Variants in NRG3 observed in about 807,000 individuals in gnomAD.
NRG3 encodes neuregulin 3, also known as pro-neuregulin-3, membrane-bound isoform.
Under a neutral mutation model 66.9 loss-of-function variants are expected in NRG3, and 31 were observed. The observed-to-expected ratio is 0.46, with a 90% CI of 0.35 to 0.63. NRG3 has a LOEUF of 0.63. Among genes scored for constraint, NRG3 ranks in the 20% least tolerant of loss-of-function variants. The pLI, the probability that NRG3 is intolerant of heterozygous loss-of-function variation, is 0.00. For synonymous variants in NRG3, 393 were observed against 359.4 expected, an observed-to-expected ratio of 1.09 and a Z score of -1.06; for missense variants, 910 against 878.9, an observed-to-expected ratio of 1.04 and a Z score of -0.45.
intron 5 of NRG3, among the ~76,000 whole-genome samples, chr10:82,952,688 C>T (rs974441538): frequency 3.3e-5 from 5 of 151,772 alleles, no homozygotes; most frequent in Non-Finnish European, 7.4e-5. Context: ...TGTGTAATTG[C>T]TTTTCAGTGG....
chr10:82,476,744 T>C (rs1222771071), intron 2 of NRG3, among the ~76,000 whole-genome samples: 1 of 152,116 alleles, frequency 6.6e-6, no homozygotes, highest in Non-Finnish European at 1.5e-5. Context: ...GTTACAGATA[T>C]TCAGTTTGGG....
chr10:81,949,157 G>A lies in NRG3; in HGVS notation c.823+72994G>A, dbSNP rs1260067924. Among the ~76,000 whole-genome samples, 5 of 152,116 alleles carry A rather than the reference G, an allele frequency of 3.3e-5. No homozygotes were observed. The East Asian group carries it at 7.7e-4, about 23-fold the overall frequency. ...CCCACATGGCAGATCTCAGGCTCCT[G>A]TCTCTGAGAAGGCTGAGCTGATACC... On this transcript the variant is annotated intron_variant, in intron 1 of 8. Coordinates refer to ENST00000372141, the MANE Select transcript of NRG3 (RefSeq NM_001010848.4).
chr10:81,982,830 AGTTAGC>A (rs1368528353), intron 1 of NRG3, among the ~76,000 whole-genome samples: 18 of 152,342 alleles, frequency 1.2e-4, no homozygotes, highest in Admixed American at 6.5e-4. Flanking sequence ...AGATTCTGGG[AGTTAGC>A]GTTTCAACAT....
At chr10:82,985,037 A>C (rs1369333838) in intron 8 of NRG3, 61 bp from the exon 9 acceptor site, 41 of 1,567,632 alleles carry the variant, frequency 2.6e-5, no homozygotes, top group Non-Finnish European at 3.2e-5. Flanking sequence ...TTGTGGATTG[A>C]GTATTGCTCT....
chr10:82,704,818 T>C (rs2056164729), intron 2 of NRG3, among the ~76,000 whole-genome samples: 1 of 152,228 alleles, frequency 6.6e-6, no homozygotes, highest in Admixed American at 6.5e-5. Context: ...TCATTCAAAA[T>C]ATTTTAAAAT....
intron 1 of NRG3, chr10:81,877,605 A>C: frequency 1.1e-6 from 1 of 912,308 alleles, no homozygotes; most frequent in East Asian, 7.6e-5. Context: ...ATTTGTAAGT[A>C]AGGTCCAGGA....
At chr10:82,975,677 C>T (rs1235146742) in intron 7 of NRG3, among the ~76,000 whole-genome samples, 2 of 152,174 alleles carry the variant, frequency 1.3e-5, no homozygotes, top group African/African-American at 2.4e-5. Flanking sequence ...TAGACTTGAA[C>T]GTTTTCATGA....
intron 1 of NRG3, among the ~76,000 whole-genome samples, chr10:81,972,749 A>G (rs1222879327): frequency 1.3e-5 from 2 of 152,144 alleles, no homozygotes; most frequent in African/African-American, 2.4e-5. Context: ...GAGGACAGAA[A>G]AAAATGAATC....
At chr10:82,780,969 G>A (rs1216566859) in intron 3 of NRG3, among the ~76,000 whole-genome samples, 4 of 152,084 alleles carry the variant, frequency 2.6e-5, no homozygotes, top group Non-Finnish European at 5.9e-5. Flanking sequence ...TTGGCCTCTT[G>A]TAGGCAGGAT....
In NRG3 at chr10:82,629,972, A is replaced by T. The variant is rs545323287; in HGVS notation, c.954-108605A>T. Among the ~76,000 whole-genome samples the T allele has an allele frequency of 9.9e-5, 15 of 152,270 alleles. No homozygotes were observed. The East Asian group carries it at 2.9e-3, about 29-fold the overall frequency. On this transcript the variant is annotated intron_variant, in intron 2 of 8. Coordinates refer to ENST00000372141, the MANE Select transcript of NRG3 (RefSeq NM_001010848.4). ...TGTCCCAATGAAGATGTGATTTTGT[A>T]TCATTCTGGGGAACTGACACCAAAG... is the stretch of plus-strand genomic sequence containing the variant.
chr10:82,359,550 G>A (rs1160945552), intron 2 of NRG3, among the ~76,000 whole-genome samples: 1 of 152,022 alleles, frequency 6.6e-6, no homozygotes, highest in African/African-American at 2.4e-5. Context: ...AAAACAAGGG[G>A]GGATAAAGAG....
At chr10:82,784,888 A>G (rs1377751225) in intron 3 of NRG3, among the ~76,000 whole-genome samples, 8 of 152,204 alleles carry the variant, frequency 5.3e-5, no homozygotes, top group South Asian at 2.1e-4. Context: ...TCATGCTGCT[A>G]TAAAGACACA....
chr10:82,823,824 C>CT (rs1052699429), intron 3 of NRG3, among the ~76,000 whole-genome samples: 6 of 151,912 alleles, frequency 3.9e-5, no homozygotes, highest in Non-Finnish European at 8.8e-5. Context: ...AGACCCAGTT[C>CT]TTTTTTTTAA....
intron 1 of NRG3, among the ~76,000 whole-genome samples, chr10:82,074,614 G>A (rs779065857): frequency 6.6e-6 from 1 of 152,144 alleles, no homozygotes; most frequent in Non-Finnish European, 1.5e-5. Context: ...AGGAACTCTT[G>A]AAGCCAGGAG....
chr10:82,607,216 A>G (rs1225965663), intron 2 of NRG3, among the ~76,000 whole-genome samples: 1 of 152,150 alleles, frequency 6.6e-6, no homozygotes, highest in African/African-American at 2.4e-5. Flanking sequence ...GGATTGATAC[A>G]TATTTTTATA....
intron 3 of NRG3, among the ~76,000 whole-genome samples, chr10:82,767,148 A>C (rs986466094): frequency 2.0e-5 from 3 of 151,914 alleles, no homozygotes; most frequent in African/African-American, 7.2e-5. Context: ...TTGTTGGTCC[A>C]GCTAGCAACT....
intron 2 of NRG3, among the ~76,000 whole-genome samples, chr10:82,470,260 T>G (rs1841124173): frequency 6.6e-6 from 1 of 152,190 alleles, no homozygotes; most frequent in African/African-American, 2.4e-5. Flanking sequence ...GTCAAGAAAC[T>G]TGGTAGAAAT....
chr10:82,406,418 A>C (rs1290967372), intron 2 of NRG3, among the ~76,000 whole-genome samples: 1 of 152,180 alleles, frequency 6.6e-6, no homozygotes, highest in Admixed American at 6.5e-5. Flanking sequence ...AGGGAGAAAA[A>C]GACTGGCCTG....
intron 1 of NRG3, among the ~76,000 whole-genome samples, chr10:82,326,170 A>G (rs970568983): frequency 1.2e-4 from 18 of 152,296 alleles, no homozygotes; most frequent in African/African-American, 3.6e-4. Context: ...AGCATTGTAG[A>G]TTAACTTTTT....
Sources: gnomAD v4.1 joint callset for allele counts (sites outside exome capture counted in the v4.1 genomes callset) on GRCh38, gnomAD v4.1.1 for gene constraint, MANE v1.5 for transcripts, NCBI Gene and HGNC (gene_info 2026-07-23, HGNC 2026-07-21) for gene names.